Variants in TNRC6A observed in about 807,000 individuals in gnomAD.
TNRC6A encodes the protein trinucleotide repeat-containing gene 6A protein.
A neutral mutation model predicts 221.2 loss-of-function variants in TNRC6A; 44 were observed. The observed-to-expected ratio is 0.20, with a 90% confidence interval of 0.16 to 0.26. TNRC6A has a LOEUF of 0.26. TNRC6A is among the 10% of genes least tolerant of loss of function. The pLI is 1.00. For synonymous variants in TNRC6A, 847 were observed against 838.5 expected (o/e 1.01, Z -0.18); for missense variants, 2,199 against 2,404.4 (o/e 0.91, Z 1.79).
chr16:24,655,274 A>C (rs2054886661), intron 2 of TNRC6A, among the ~76,000 whole-genome samples: 2 of 152,074 alleles, frequency 1.3e-5, no homozygotes, highest in Non-Finnish European at 2.9e-5. Flanking sequence ...GGGGGGGAAC[A>C]CTGATAGAAA....
chr16:24,675,550 G>A (rs2055391987), intron 2 of TNRC6A, among the ~76,000 whole-genome samples: 1 of 150,792 alleles, frequency 6.6e-6, no homozygotes, highest in African/African-American at 2.4e-5. Flanking sequence ...GCATGGTGGT[G>A]CACAACTGTA....
chr16:24,761,067 TTC>T (rs1454360678), intron 4 of TNRC6A, among the ~76,000 whole-genome samples: 1 of 152,226 alleles, frequency 6.6e-6, no homozygotes, highest in Non-Finnish European at 1.5e-5. Flanking sequence ...GAATTCCTGC[TTC>T]TCTTACAGTT....
chr16:24,786,120 G>A (rs1392220327), intron 5 of TNRC6A, among the ~76,000 whole-genome samples: 1 of 152,152 alleles, frequency 6.6e-6, no homozygotes, highest in Non-Finnish European at 1.5e-5. Flanking sequence ...AAGTAAGGAA[G>A]TTATATGATT....
chr16:24,682,857 G>A (rs1329833337), intron 2 of TNRC6A, among the ~76,000 whole-genome samples: 4 of 152,158 alleles, frequency 2.6e-5, no homozygotes, highest in African/African-American at 7.2e-5. Context: ...GGAGCCCATC[G>A]AACAGTGTAT....
In TNRC6A at chr16:24,657,476, G is replaced by T. The variant is rs946563411; in HGVS notation, n.402+16467G>T. On this transcript the variant is annotated intron_variant and non_coding_transcript_variant, in intron 2 of 2. Coordinates refer to the TNRC6A transcript ENST00000566108. ...TGTAATCCCAGCACTTTGGGAGGCC[G>T]AGGCGGGTGGATCACTTCAGGTCAG... is the stretch of plus-strand genomic sequence containing the variant. Among the ~76,000 whole-genome samples, 5 of 151,956 alleles carry T rather than the reference G, an allele frequency of 3.3e-5. No homozygotes were observed. In the East Asian group the frequency reaches 9.6e-4, roughly 29 times the overall value.
chr16:24,743,263 T>C (rs913083753), intron 2 of TNRC6A, among the ~76,000 whole-genome samples: 1 of 152,188 alleles, frequency 6.6e-6, no homozygotes, highest in East Asian at 1.9e-4. Flanking sequence ...TGGTGGAGTA[T>C]CTATTGTTTT....
chr16:24,822,165 G>A lies in TNRC6A; in HGVS notation c.5373+18G>A, dbSNP rs767057617. 1.9e-5 allele frequency: 30 copies of A among 1,611,766 alleles called. No homozygotes were observed. The highest frequency in any genetic ancestry group is 6.7e-5 in the Admixed American group (4 of 59,990). On this transcript the variant is annotated intron_variant, in intron 23 of 24. Coordinates refer to ENST00000395799, the MANE Select transcript of TNRC6A (RefSeq NM_014494.4). Reference sequence around the variant, plus strand: ...CACCTCAGGTAAGGATACCAGATACGCTGGTTTATGTGGCTACGCCAGGGA... The same window carrying A: ...CACCTCAGGTAAGGATACCAGATACACTGGTTTATGTGGCTACGCCAGGGA...
chr16:24,621,366 T>G (rs1900665309), intron 1 of TNRC6A, among the ~76,000 whole-genome samples: 2 of 144,910 alleles, frequency 1.4e-5, no homozygotes, highest in Non-Finnish European at 3.0e-5. Flanking sequence ...TTTTTTTTTT[T>G]TTTAGACAGA....
chr16:24,730,639 C>T (rs774107486), intron 2 of TNRC6A, among the ~76,000 whole-genome samples: 2 of 151,832 alleles, frequency 1.3e-5, no homozygotes, highest in African/African-American at 2.4e-5. Flanking sequence ...ATTGAGGCGG[C>T]CCTTATGGCG....
Position 24,791,241 on chromosome 16 carries a change from G to T in TNRC6A, c.2599G>T (p.Gly867Cys). ...WGETSRNNHWGEANKKSSSGG... is the reference protein window; with the variant it reads ...WGETSRNNHWCEANKKSSSGG... ...AGAAACTTCAAGGAATAACCATTGG[G>T]GTGAGGCCAATAAGAAATCCAGCTC... Residue 867 changes from glycine (G) to cysteine (C), a missense_variant, in exon 6 of 25, where the codon GGT (glycine) becomes TGT (cysteine). Gly to Cys is a radical substitution (Grantham distance 159, BLOSUM62 -3). This residue lies in a region of TNRC6A where 1,405 missense variants were observed against 1,400.2 expected (regional missense o/e 1.00). Transcript: ENST00000395799. 1 of 1,614,176 alleles carries T rather than the reference G, an allele frequency of 6.2e-7. No individual in the cohort carries two copies. The highest frequency in any genetic ancestry group is 8.5e-7 in the Non-Finnish European group (1 of 1,180,024).
At chr16:24,670,912 C>T (rs1425796743) in intron 2 of TNRC6A, 1 of 303,360 alleles carries the variant, frequency 3.3e-6, no homozygotes, top group Admixed American at 3.4e-5. Context: ...CCCGCCAGCC[C>T]CCACACTTCC....
intron 4 of TNRC6A, among the ~76,000 whole-genome samples, chr16:24,767,615 A>G (rs938308774): frequency 1.3e-5 from 2 of 152,178 alleles, no homozygotes; most frequent in South Asian, 2.1e-4. Context: ...TAGTTTGCCC[A>G]TGTTTTGCAA....
intron 2 of TNRC6A, among the ~76,000 whole-genome samples, chr16:24,669,941 C>CTTT (rs535737725): frequency 0.17 from 4,531 of 27,082 alleles, 1,733 homozygotes; most frequent in Non-Finnish European, 0.24. Context: ...GAGGCAGCTA[C>CTTT]TTTTTTTTTT....
chr16:24,727,047 A>T (rs2056504323), upstream of TNRC6A, among the ~76,000 whole-genome samples: 1 of 146,948 alleles, frequency 6.8e-6, no homozygotes, highest in South Asian at 2.2e-4. Context: ...TTTTTTCCCT[A>T]AGGTGGAGTT....
intron 2 of TNRC6A, among the ~76,000 whole-genome samples, chr16:24,693,854 C>T (rs1478999902): frequency 6.6e-6 from 1 of 151,840 alleles, no homozygotes; most frequent in South Asian, 2.1e-4. Context: ...GAGCCAAGAC[C>T]GCCACTGCAC....
In TNRC6A at chr16:24,750,830, CTATTTA is replaced by C; in HGVS notation, c.141+22_141+27del. 1 of 1,492,002 alleles carries C rather than the reference CTATTTA, an allele frequency of 6.7e-7. No individual in the cohort carries two copies. Among genetic ancestry groups the C allele is most frequent in the African/African-American group, 1.4e-5 (1 of 69,884 alleles). The allele number at this position is 1,492,002 out of a possible 1,614,324, so 92.4% of individuals were successfully genotyped here. ...CAAAAGAAGGTAGTATGTGTGTAAA[CTATTTA>C]TATTAAGCAGTTTAAACATAGAATT... is the stretch of plus-strand genomic sequence containing the variant. On this transcript the variant is annotated intron_variant, in intron 3 of 24. Transcript: ENST00000395799.
intron 2 of TNRC6A, among the ~76,000 whole-genome samples, chr16:24,748,520 A>T (rs1306818264): frequency 6.6e-6 from 1 of 152,144 alleles, no homozygotes; most frequent in Admixed American, 6.5e-5. Flanking sequence ...TGCTTGTAAC[A>T]AAATGACAGC....
chr16:24,622,542 C>T (rs966002466), intron 1 of TNRC6A, among the ~76,000 whole-genome samples: 1 of 151,998 alleles, frequency 6.6e-6, no homozygotes, highest in African/African-American at 2.4e-5. Context: ...TGCAGTGAGC[C>T]GAGATCGCAC....
chr16:24,797,599 C>T, intron 10 of TNRC6A, 29 bp downstream of exon 10: 3 of 1,497,714 alleles, frequency 2.0e-6, no homozygotes, highest in Non-Finnish European at 2.8e-6. Context: ...CAGCTCCTTC[C>T]TCTTTTAATG....
Sources: allele counts gnomAD v4.1 joint callset (sites outside exome capture counted in the v4.1 genomes callset), GRCh38; gene constraint gnomAD v4.1.1; regional missense constraint gnomAD v4.1.1; transcripts MANE v1.5; gene names NCBI Gene and HGNC (gene_info 2026-07-23, HGNC 2026-07-21).